The following SUPV3L1 variants were observed in gnomAD, a reference collection of about 807,000 sequenced individuals.
SUPV3L1 encodes Suv3 like RNA helicase.
Under a neutral mutation model 70.0 loss-of-function variants are expected in SUPV3L1, and 35 were observed. The observed-to-expected ratio is 0.50, with a 90% CI of 0.38 to 0.66. The LOEUF (loss-of-function observed/expected upper bound fraction) is 0.66. SUPV3L1 is among the 30% of genes least tolerant of loss of function. The pLI is 0.00. For synonymous variants in SUPV3L1, 364 were observed against 341.9 expected (o/e 1.06, Z -0.71); for missense variants, 777 against 961.5 (o/e 0.81, Z 2.54).
chr10:69,180,372 C>A lies in SUPV3L1; in HGVS notation c.81C>A (p.Ala27=). ...QAGHRAAICS[A]LRPHFGPFPG... ...GCCACCGGGCAGCCATCTGCTCTGC[C>A]CTTCGTCCCCACTTTGGGCCCTTTC... is the stretch of plus-strand genomic sequence containing the variant. Residue 27 remains alanine (A), a synonymous_variant, in exon 1 of 15, where the codon GCC becomes GCA. Transcript: ENST00000359655. 6.2e-7 allele frequency: 1 copy of A among 1,614,240 alleles called. No homozygotes were observed. The highest frequency in any genetic ancestry group is 8.5e-7 in the Non-Finnish European group (1 of 1,180,034).
At chr10:69,184,652 C>CACACACACACTG (rs3222193) in intron 1 of SUPV3L1, among the ~76,000 whole-genome samples, 1 of 149,662 alleles carries the variant, frequency 6.7e-6, no homozygotes, top group African/African-American at 2.5e-5. Flanking sequence ...CACACACACA[C>CACACACACACTG]TGTGTGTGTA....
At chr10:69,195,349 A>G in intron 7 of SUPV3L1, 84 bp downstream of exon 7, 1 of 1,012,980 alleles carries the variant, frequency 9.9e-7, no homozygotes, top group South Asian at 2.1e-5. Context: ...TTGCCAACCA[A>G]ATAGAGTCAC....
intron 13 of SUPV3L1, among the ~76,000 whole-genome samples, chr10:69,206,203 C>T (rs977873917): frequency 1.3e-5 from 2 of 152,186 alleles, no homozygotes; most frequent in African/African-American, 4.8e-5. Context: ...GTAGTGTGGT[C>T]ACATTTCTAC....
At chr10:69,198,590 T>C in intron 9 of SUPV3L1, 38 bp downstream of exon 9, 1 of 1,591,330 alleles carries the variant, frequency 6.3e-7, no homozygotes, top group South Asian at 1.2e-5. Flanking sequence ...ATATGAAATC[T>C]CCTATCTTTG....
intron 1 of SUPV3L1, among the ~76,000 whole-genome samples, chr10:69,181,994 CTTTACTTTTTTTTTTTT>C (rs1374622348): frequency 7.0e-6 from 1 of 142,752 alleles, no homozygotes; most frequent in Non-Finnish European, 1.5e-5. Flanking sequence ...GTTTTTTTTT[CTTTACTTTTTTTTTTTT>C]AGAGACAGGG....
At chr10:69,208,171 C>T (rs976142477) in intron 14 of SUPV3L1, among the ~76,000 whole-genome samples, 2 of 152,246 alleles carry the variant, frequency 1.3e-5, no homozygotes, top group African/African-American at 4.8e-5. Flanking sequence ...GTCCACTGGA[C>T]TCCTGCTGGT....
rs540750890 is a variant in SUPV3L1, at chr10:69,196,689, G to A, written c.932-303G>A. The stretch of plus-strand genomic sequence containing the variant: ...GCCTAATTTGAAAAACACAAGTATA[G>A]GGTCTGTGTTCAGTACTTAGCATCC... On this transcript the variant is annotated intron_variant, in intron 7 of 14. Coordinates refer to ENST00000359655, the MANE Select transcript of SUPV3L1 (RefSeq NM_003171.5). Among the ~76,000 whole-genome samples the A allele has an allele frequency of 2.0e-5, 3 of 152,162 alleles. No individual in the cohort carries two copies. The South Asian group carries it at 6.2e-4, about 32-fold the overall frequency.
chr10:69,205,020 C>A (rs1048012892), intron 13 of SUPV3L1, among the ~76,000 whole-genome samples: 1 of 152,206 alleles, frequency 6.6e-6, no homozygotes, highest in African/African-American at 2.4e-5. Flanking sequence ...GTCCACCTGC[C>A]TCAGCCTCCC....
At chr10:69,182,836 A>G (rs1842102357) in intron 1 of SUPV3L1, among the ~76,000 whole-genome samples, 2 of 152,156 alleles carry the variant, frequency 1.3e-5, no homozygotes. Flanking sequence ...TCACTTCTCA[A>G]TCTCTTTTGC....
chr10:69,180,526 G>A lies in SUPV3L1; in HGVS notation c.235G>A (p.Asp79Asn), dbSNP rs779886583. The change falls in exon 1 of 15, where the codon GAC becomes AAC. Residue 79 changes from aspartate (D) to asparagine (N), a missense_variant. By Grantham distance (23) the Asp-to-Asn change is conservative. Around this residue, in one of 2 missense-constraint regions of SUPV3L1, gnomAD observed 158 missense variants for 138.3 expected, o/e 1.14. Coordinates refer to ENST00000359655, the MANE Select transcript of SUPV3L1 (RefSeq NM_003171.5). ...VKPQGPSADG[D>N]VGAELTRPLD... ...ACCTCAGGGCCCCAGCGCCGACGGCGACGTCGGGGCCGAGCTAACCCGGCC... is the reference window on the plus strand; with the variant it reads ...ACCTCAGGGCCCCAGCGCCGACGGCAACGTCGGGGCCGAGCTAACCCGGCC... 1.9e-6 allele frequency: 3 copies of A among 1,614,216 alleles called. No homozygotes were observed. Among genetic ancestry groups the A allele is most frequent in the African/African-American group, 1.3e-5 (1 of 75,074 alleles).
intron 12 of SUPV3L1, 95 bp downstream of exon 12, chr10:69,202,614 T>C (rs745408313): frequency 1.6e-6 from 2 of 1,274,966 alleles, no homozygotes; most frequent in Non-Finnish European, 2.2e-6. Context: ...TAGTCTGCCT[T>C]TGAGAAGTTG....
chr10:69,186,941 G>C (rs1295738495), intron 3 of SUPV3L1, among the ~76,000 whole-genome samples: 1 of 152,118 alleles, frequency 6.6e-6, no homozygotes, highest in African/African-American at 2.4e-5. Context: ...CAGGCAGTTT[G>C]GCTTTGGTTA....
In SUPV3L1 at chr10:69,189,307, C is replaced by T. The variant is rs1842323549; in HGVS notation, c.613C>T (p.His205Tyr). ...ARAMQRKIIF[H>Y]SGPTNSGKTY... ...AGCCATGCAGCGGAAGATAATATTT[C>T]ATTCAGGCCCCACAAACAGTGGAAA... The change falls in exon 5 of 15, where the codon CAT (histidine) becomes TAT (tyrosine). Residue 205 changes from histidine to tyrosine, a missense_variant. Transcript: ENST00000359655. 1 of 1,613,950 alleles carries T rather than the reference C, an allele frequency of 6.2e-7. No homozygotes were observed. The highest frequency in any genetic ancestry group is 8.5e-7 in the Non-Finnish European group (1 of 1,179,980).
intron 6 of SUPV3L1, 51 bp downstream of exon 6, chr10:69,191,817 T>A: frequency 6.7e-7 from 1 of 1,481,774 alleles, no homozygotes; most frequent in East Asian, 2.3e-5. Flanking sequence ...TAATTTTTTT[T>A]TTTTTTCAAG....
At chr10:69,185,913 T>C (rs1842213927) in intron 1 of SUPV3L1, 74 bp from the exon 2 acceptor site, 3 of 1,138,722 alleles carry the variant, frequency 2.6e-6, no homozygotes, top group Non-Finnish European at 4.0e-6. Flanking sequence ...GTGTTATTGC[T>C]TCAAGTTTCT....
chr10:69,202,104 G>A (rs1842698476), intron 11 of SUPV3L1, among the ~76,000 whole-genome samples: 1 of 152,134 alleles, frequency 6.6e-6, no homozygotes, highest in African/African-American at 2.4e-5. Context: ...CTCCCAAAGT[G>A]CTGGGATTAC....
At chr10:69,201,436 G>C (rs972878752) in intron 11 of SUPV3L1, among the ~76,000 whole-genome samples, 1 of 151,772 alleles carries the variant, frequency 6.6e-6, no homozygotes, top group Non-Finnish European at 1.5e-5. Flanking sequence ...TAGTTTTATT[G>C]CCTTGGTTAA....
chr10:69,185,468 A>G, intron 1 of SUPV3L1, among the ~76,000 whole-genome samples: 1 of 102,456 alleles, frequency 9.8e-6, no homozygotes, highest in East Asian at 2.1e-4. Flanking sequence ...CTATGGTATA[A>G]CAGGGTGCTG....
intron 6 of SUPV3L1, 69 bp from the exon 7 acceptor site, chr10:69,195,119 G>A (rs1564706459): frequency 8.9e-6 from 11 of 1,241,252 alleles, no homozygotes; most frequent in Non-Finnish European, 1.2e-5. Flanking sequence ...CTTGAATTTT[G>A]GTGTTGGAAT....
Sources: allele counts gnomAD v4.1 joint callset (sites outside exome capture counted in the v4.1 genomes callset), GRCh38; gene constraint gnomAD v4.1.1; regional missense constraint gnomAD v4.1.1; transcripts MANE v1.5; gene names NCBI Gene and HGNC (gene_info 2026-07-23, HGNC 2026-07-21).